TIAM1: variants seen among roughly 807,000 people sequenced by gnomAD.
The protein encoded by TIAM1 is TIAM Rac1 associated GEF 1, also known as rho guanine nucleotide exchange factor TIAM1.
A neutral mutation model predicts 163.5 loss-of-function variants in TIAM1; 65 were observed. The ratio of observed to expected loss-of-function variants is 0.40; its 90% CI spans 0.33 to 0.49. The LOEUF (loss-of-function observed/expected upper bound fraction) is 0.49, where lower values mean the gene tolerates loss of function less well. TIAM1 is among the 20% of genes least tolerant of loss of function. TIAM1 has a pLI of 0.77. For synonymous variants in TIAM1, 833 were observed against 810.1 expected (o/e 1.03, Z -0.48); for missense variants, 1,789 against 2,044.7 (o/e 0.87, Z 2.41).
chr21:31,379,263 C>T (rs902592260), intron 2 of TIAM1, among the ~76,000 whole-genome samples: 4 of 152,156 alleles, frequency 2.6e-5, no homozygotes, highest in Admixed American at 1.3e-4. Flanking sequence ...TGAGCCACCT[C>T]GCCTGGCCTA....
chr21:31,505,866 G>A (rs902468386), intron 1 of TIAM1, among the ~76,000 whole-genome samples: 12 of 151,748 alleles, frequency 7.9e-5, no homozygotes, highest in African/African-American at 2.7e-4. Flanking sequence ...AAAATTAGCC[G>A]GACGTGGTGG....
At chr21:31,521,314 A>G (rs2047575361) in intron 1 of TIAM1, among the ~76,000 whole-genome samples, 1 of 152,178 alleles carries the variant, frequency 6.6e-6, no homozygotes, top group East Asian at 1.9e-4. Context: ...GTTTCTCTTC[A>G]AGATTATATT....
At chr21:31,228,206 C>T (rs1328541812) in intron 6 of TIAM1, among the ~76,000 whole-genome samples, 25 of 30,712 alleles carry the variant, frequency 8.1e-4, no homozygotes, top group African/African-American at 2.9e-3. Flanking sequence ...CCACCATGCC[C>T]GGCCTCCTTT....
chr21:31,375,745 A>C (rs2076672445), intron 2 of TIAM1, among the ~76,000 whole-genome samples: 4 of 152,160 alleles, frequency 2.6e-5, no homozygotes, highest in Non-Finnish European at 1.5e-5. Context: ...GAGTAGAAAA[A>C]AGGCCAGGTG....
chr21:31,382,237 C>T (rs891873848), intron 2 of TIAM1, among the ~76,000 whole-genome samples: 6 of 152,308 alleles, frequency 3.9e-5, no homozygotes, highest in South Asian at 4.1e-4. Context: ...GATGTTTGAA[C>T]GCTTATCAGC....
At chr21:31,388,969 T>C (rs1233911735) in intron 2 of TIAM1, among the ~76,000 whole-genome samples, 1 of 152,184 alleles carries the variant, frequency 6.6e-6, no homozygotes, top group Non-Finnish European at 1.5e-5. Context: ...GAAAACTTTC[T>C]CTGCAAAGGG....
chr21:31,158,937 C>T (rs879939051), intron 16 of TIAM1, among the ~76,000 whole-genome samples: 1 of 152,136 alleles, frequency 6.6e-6, no homozygotes, highest in African/African-American at 2.4e-5. Context: ...GTCATTCCCA[C>T]ACCAAGCGCT....
chr21:31,211,451 T>TA (rs1288998314), intron 10 of TIAM1, among the ~76,000 whole-genome samples: 1 of 152,176 alleles, frequency 6.6e-6, no homozygotes, highest in Non-Finnish European at 1.5e-5. Context: ...CACTAGTTGG[T>TA]AAATATGTAT....
chr21:31,437,583 A>C (rs576452540), intron 2 of TIAM1, among the ~76,000 whole-genome samples: 1 of 152,018 alleles, frequency 6.6e-6, no homozygotes, highest in East Asian at 1.9e-4. Flanking sequence ...TTGAATTATA[A>C]TCCCCAATGT....
intron 2 of TIAM1, among the ~76,000 whole-genome samples, chr21:31,422,563 A>C (rs535799641): frequency 6.6e-6 from 1 of 152,216 alleles, no homozygotes; most frequent in East Asian, 1.9e-4. Flanking sequence ...CTGAACATAC[A>C]TATAACAAAA....
At chr21:31,252,233 G>A in intron 4 of TIAM1, 44 bp from the exon 5 acceptor site, 3 of 1,570,696 alleles carry the variant, frequency 1.9e-6, no homozygotes, top group Non-Finnish European at 2.6e-6. Flanking sequence ...GCGTCACGTG[G>A]AGAAGGAACC....
chr21:31,187,888 C>T (rs1451720587), intron 13 of TIAM1, among the ~76,000 whole-genome samples: 1 of 152,002 alleles, frequency 6.6e-6, no homozygotes, highest in Non-Finnish European at 1.5e-5. Context: ...CAGTGAATAC[C>T]TACTTTGCTA....
chr21:31,137,408 T>C (rs1372961892), intron 22 of TIAM1, among the ~76,000 whole-genome samples: 4 of 152,098 alleles, frequency 2.6e-5, no homozygotes, highest in African/African-American at 9.7e-5. Context: ...TGTCTATAGA[T>C]ATTAAGTAAC....
At chr21:31,419,587 G>A (rs537436388) in intron 2 of TIAM1, among the ~76,000 whole-genome samples, 101 of 152,212 alleles carry the variant, frequency 6.6e-4, no homozygotes, top group Non-Finnish European at 9.3e-4. Flanking sequence ...CATTAGATGC[G>A]TTTAACAGTT....
At chr21:31,208,116 C>A (rs1487603229) in intron 11 of TIAM1, among the ~76,000 whole-genome samples, 1 of 152,214 alleles carries the variant, frequency 6.6e-6, no homozygotes, top group African/African-American at 2.4e-5. Flanking sequence ...TGGTCTCTAA[C>A]TGTCAATGAC....
chr21:31,294,807 C>T (rs535514584), intron 2 of TIAM1, among the ~76,000 whole-genome samples: 14 of 152,282 alleles, frequency 9.2e-5, no homozygotes, highest in East Asian at 1.9e-4. Flanking sequence ...TCTGGTTCTG[C>T]GGCTGCCTCA....
At chr21:31,413,907 G>A (rs2043290635) in intron 2 of TIAM1, among the ~76,000 whole-genome samples, 1 of 152,118 alleles carries the variant, frequency 6.6e-6, no homozygotes, top group African/African-American at 2.4e-5. Context: ...CACGAGCTGG[G>A]GTTACGTCAC....
At chr21:31,305,557 C>T (rs775908475) in intron 2 of TIAM1, among the ~76,000 whole-genome samples, 3 of 152,208 alleles carry the variant, frequency 2.0e-5, no homozygotes, top group Non-Finnish European at 4.4e-5. Flanking sequence ...CTCACCCACA[C>T]CTCTCTTTAA....
chr21:31,166,025 C>CAAA (rs962249786), intron 15 of TIAM1, among the ~76,000 whole-genome samples: 4 of 152,174 alleles, frequency 2.6e-5, no homozygotes, highest in African/African-American at 9.7e-5. Context: ...ATCACTTTCC[C>CAAA]CTGGGGTGCT....
Sources: gnomAD v4.1 joint callset for allele counts (sites outside exome capture counted in the v4.1 genomes callset) on GRCh38, gnomAD v4.1.1 for gene constraint, MANE v1.5 for transcripts, NCBI Gene and HGNC (gene_info 2026-07-23, HGNC 2026-07-21) for gene names.